AFG1L: variants seen among roughly 807,000 people sequenced by gnomAD.
AFG1L encodes AFG1-like ATPase.
AFG1L carries 53 observed loss-of-function variants against 62.2 expected under a neutral mutation model. The observed-to-expected ratio is 0.85, with a 90% CI of 0.68 to 1.07. The LOEUF (loss-of-function observed/expected upper bound fraction) is 1.07, where lower values mean the gene tolerates loss of function less well. Among genes scored for constraint, AFG1L ranks in the 50% least tolerant of loss-of-function variants. The probability of loss-of-function intolerance (pLI) is 0.00; values close to 1 mark genes in which losing one functional copy is unlikely to be tolerated. For synonymous variants in AFG1L, 228 were observed against 210.3 expected, an observed-to-expected ratio of 1.08 and a Z score of -0.73; for missense variants, 555 against 590.5, an observed-to-expected ratio of 0.94 and a Z score of 0.62.
At chr6:108,450,851 T>C (rs557898564) in intron 8 of AFG1L, among the ~76,000 whole-genome samples, 1 of 151,938 alleles carries the variant, frequency 6.6e-6, no homozygotes, top group Non-Finnish European at 1.5e-5. Flanking sequence ...TTTTATTAAA[T>C]AGGGAATCCT....
intron 2 of AFG1L, among the ~76,000 whole-genome samples, chr6:108,341,425 G>A (rs946784455): frequency 2.0e-5 from 3 of 152,162 alleles, no homozygotes; most frequent in African/African-American, 2.4e-5. Flanking sequence ...ACAGGTCTGA[G>A]TATAAACAGG....
intron 8 of AFG1L, among the ~76,000 whole-genome samples, chr6:108,451,430 A>C (rs985345804): frequency 3.1e-4 from 47 of 152,236 alleles, no homozygotes; most frequent in Admixed American, 6.5e-5. Flanking sequence ...CACAAGAACT[A>C]ATTCACATAA....
chr6:108,402,423 C>CTGGGTG (rs1446568972), intron 7 of AFG1L, among the ~76,000 whole-genome samples: 2 of 150,212 alleles, frequency 1.3e-5, no homozygotes, highest in East Asian at 3.9e-4. Flanking sequence ...GAGATCACGC[C>CTGGGTG]ACTACACTCT....
chr6:108,430,182 A>C (rs1771008044), intron 7 of AFG1L, among the ~76,000 whole-genome samples: 2 of 152,114 alleles, frequency 1.3e-5, no homozygotes, highest in Admixed American at 1.3e-4. Flanking sequence ...TCCTGACCTC[A>C]AATGTTCCAC....
chr6:108,433,774 G>A (rs1004201515), intron 7 of AFG1L, among the ~76,000 whole-genome samples: 6 of 150,690 alleles, frequency 4.0e-5, no homozygotes, highest in African/African-American at 1.5e-4. Context: ...TGTATTTTTA[G>A]TAGAGATGGG....
chr6:108,369,791 G>A (rs1779915791), intron 6 of AFG1L, among the ~76,000 whole-genome samples: 1 of 152,046 alleles, frequency 6.6e-6, no homozygotes, highest in Non-Finnish European at 1.5e-5. Flanking sequence ...GGTATTTTTA[G>A]TAGAGACAGG....
At chr6:108,514,626 G>A (rs1774803304) in intron 11 of AFG1L, among the ~76,000 whole-genome samples, 5 of 152,172 alleles carry the variant, frequency 3.3e-5, no homozygotes, top group African/African-American at 1.2e-4. Context: ...CATAATGACA[G>A]GATCAAATTC....
chr6:108,417,220 C>T (rs575604162), intron 7 of AFG1L, among the ~76,000 whole-genome samples: 40 of 137,198 alleles, frequency 2.9e-4, no homozygotes, highest in East Asian at 1.3e-3. Flanking sequence ...GGCGACAGAG[C>T]AAGACATTGT....
At chr6:108,468,396 C>G (rs1232025705) in intron 8 of AFG1L, among the ~76,000 whole-genome samples, 1 of 152,174 alleles carries the variant, frequency 6.6e-6, no homozygotes, top group Non-Finnish European at 1.5e-5. Flanking sequence ...TATCTTCAAG[C>G]TTCCATTATT....
intron 12 of AFG1L, chr6:108,521,067 T>C (rs1349210486): frequency 2.6e-5 from 4 of 152,260 alleles, no homozygotes; most frequent in African/African-American, 9.6e-5. Context: ...CATTCAGCTC[T>C]AACCTAGAAC....
chr6:108,460,418 T>G (rs1772407962), intron 8 of AFG1L, among the ~76,000 whole-genome samples: 1 of 152,174 alleles, frequency 6.6e-6, no homozygotes. Flanking sequence ...AGTTGGGTCT[T>G]TTTTTATCCA....
chr6:108,295,278 G>C, intron 1 of AFG1L, 60 bp downstream of exon 1: 2 of 1,533,766 alleles, frequency 1.3e-6, no homozygotes, highest in Non-Finnish European at 1.7e-6. Context: ...AAGCCTCTGG[G>C]ATTACCCTCC....
At chr6:108,487,914 TC>T (rs1474867851) in intron 10 of AFG1L, among the ~76,000 whole-genome samples, 1 of 152,278 alleles carries the variant, frequency 6.6e-6, no homozygotes, top group East Asian at 1.9e-4. Context: ...CTTACTGTAA[TC>T]CAGAAAGAGT....
intron 6 of AFG1L, among the ~76,000 whole-genome samples, chr6:108,380,371 G>C (rs763144705): frequency 5.3e-5 from 8 of 152,150 alleles, no homozygotes; most frequent in African/African-American, 1.4e-4. Flanking sequence ...AGAGGGCCCT[G>C]CTGCACCATG....
At chr6:108,391,723 GT>G (rs529926640) in intron 6 of AFG1L, among the ~76,000 whole-genome samples, 3 of 152,094 alleles carry the variant, frequency 2.0e-5, no homozygotes, top group Admixed American at 2.0e-4. Context: ...GTCTAGAAGG[GT>G]TTTTTTGATG....
At chr6:108,440,126 G>A (rs1410625946) in intron 7 of AFG1L, among the ~76,000 whole-genome samples, 13 of 152,078 alleles carry the variant, frequency 8.5e-5, no homozygotes, top group Admixed American at 8.5e-4. Flanking sequence ...TTTTAATATT[G>A]TTTGAATGTT....
chr6:108,330,189 T>TTC (rs1425276407), intron 2 of AFG1L, among the ~76,000 whole-genome samples: 1 of 149,274 alleles, frequency 6.7e-6, no homozygotes, highest in East Asian at 2.0e-4. Context: ...TTTATTTTTT[T>TTC]TTTTTTTTTG....
At chr6:108,477,968 A>T (rs1773182533) in intron 10 of AFG1L, among the ~76,000 whole-genome samples, 1 of 152,200 alleles carries the variant, frequency 6.6e-6, no homozygotes, top group Non-Finnish European at 1.5e-5. Flanking sequence ...CTTGAGGAAA[A>T]CAAATCCAAA....
chr6:108,396,329 C>T (rs894408247), intron 6 of AFG1L, among the ~76,000 whole-genome samples: 6 of 151,910 alleles, frequency 3.9e-5, no homozygotes, highest in Non-Finnish European at 8.8e-5. Flanking sequence ...TATAAATATA[C>T]CTACACTGTG....
Sources: allele counts gnomAD v4.1 joint callset (sites outside exome capture counted in the v4.1 genomes callset), GRCh38; gene constraint gnomAD v4.1.1; transcripts MANE v1.5; gene names NCBI Gene and HGNC (gene_info 2026-07-23, HGNC 2026-07-21).